ATP2C2: variants seen among roughly 807,000 people sequenced by gnomAD.
ATP2C2 encodes calcium-transporting ATPase type 2C member 2.
ATP2C2 carries 171 observed loss-of-function variants against 110.8 expected under a neutral mutation model. The observed-to-expected ratio is 1.54, with a 90% CI of 1.36 to 1.75. The LOEUF (loss-of-function observed/expected upper bound fraction) is 1.75. Ranked by LOEUF, ATP2C2 falls within the 40% of genes most tolerant of loss-of-function variation. The probability of loss-of-function intolerance (pLI) is 0.00; values close to 1 mark genes in which losing one functional copy is unlikely to be tolerated. For missense variants in ATP2C2, 1,963 were observed against 1,235.0 expected, an observed-to-expected ratio of 1.59 and a Z score of -8.84; for synonymous variants, 804 against 508.4, an observed-to-expected ratio of 1.58 and a Z score of -7.82.
intron 7 of ATP2C2, among the ~76,000 whole-genome samples, chr16:84,418,766 G>T (rs1000259386): frequency 1.5e-4 from 23 of 152,194 alleles, no homozygotes; most frequent in Non-Finnish European, 2.8e-4. Flanking sequence ...TCCTGGCACT[G>T]CCTCTCCCCC....
At chr16:84,393,793 GGA>G (rs780836771) in intron 1 of ATP2C2, among the ~76,000 whole-genome samples, 10 of 151,984 alleles carry the variant, frequency 6.6e-5, no homozygotes, top group Non-Finnish European at 1.3e-4. Flanking sequence ...GTGGGACCCA[GGA>G]GAGAGTCAGG....
intron 7 of ATP2C2, among the ~76,000 whole-genome samples, chr16:84,421,610 G>T (rs1281773292): frequency 6.6e-6 from 1 of 152,112 alleles, no homozygotes; most frequent in East Asian, 1.9e-4. Context: ...TCTGGCCCTG[G>T]GAGCCTCACC....
At chr16:84,434,276 TGTG>T (rs72393016) in intron 11 of ATP2C2, among the ~76,000 whole-genome samples, 32,483 of 150,150 alleles carry the variant, frequency 0.22, 3,998 homozygotes, top group East Asian at 0.49. Flanking sequence ...ATTAGCCAGG[TGTG>T]GTGGTGGGCG....
At chr16:84,428,390 A>G (rs529257756) in intron 11 of ATP2C2, among the ~76,000 whole-genome samples, 1 of 152,370 alleles carries the variant, frequency 6.6e-6, no homozygotes, top group African/African-American at 2.4e-5. Flanking sequence ...AGGTGGTAAA[A>G]TCAACATGTG....
intron 6 of ATP2C2, among the ~76,000 whole-genome samples, chr16:84,411,722 G>A (rs1485886279): frequency 6.6e-6 from 1 of 152,176 alleles, no homozygotes; most frequent in East Asian, 1.9e-4. Flanking sequence ...GATTACAGGT[G>A]TGAGCCACCG....
chr16:84,388,203 T>C (rs961895803), intron 1 of ATP2C2, among the ~76,000 whole-genome samples: 6 of 151,994 alleles, frequency 3.9e-5, no homozygotes, highest in East Asian at 1.9e-4. Context: ...CAGGTACCTG[T>C]AACTCTAGCT....
rs573275158 is a variant in ATP2C2 at position 84,459,057 on chromosome 16, G to A, written c.2148-63G>A. 4.8e-4 allele frequency: 754 copies of A among 1,571,220 alleles called. 1 individual carries two copies. The highest frequency in any genetic ancestry group is 5.9e-4 in the Non-Finnish European group (670 of 1,142,662). ...GTCACCACTGCCCCTTGCAGCAACC[G>A]ATGCACTGGTCCAGCCCTCACGCAG... On this transcript the variant is annotated intron_variant, in intron 21 of 26. Coordinates refer to ENST00000262429, the MANE Select transcript of ATP2C2 (RefSeq NM_014861.4).
intron 1 of ATP2C2, among the ~76,000 whole-genome samples, chr16:84,369,791 T>C (rs1909845941): frequency 1.3e-5 from 2 of 152,248 alleles, no homozygotes; most frequent in Non-Finnish European, 2.9e-5. Context: ...TTTTTAAAAA[T>C]AGTGTTTTAT....
chr16:84,440,379 G>C (rs4782626), intron 13 of ATP2C2, among the ~76,000 whole-genome samples: 2 of 152,086 alleles, frequency 1.3e-5, no homozygotes, highest in Admixed American at 6.5e-5. Flanking sequence ...GGGTGAACAG[G>C]TGATGGTCCA....
intron 13 of ATP2C2, among the ~76,000 whole-genome samples, chr16:84,440,332 A>G (rs1368187161): frequency 2.0e-5 from 3 of 152,174 alleles, no homozygotes; most frequent in Admixed American, 6.5e-5. Context: ...CAATTTTTTT[A>G]TCCTGATATT....
At chr16:84,413,945 C>A (rs1314282058) in intron 6 of ATP2C2, among the ~76,000 whole-genome samples, 1 of 152,096 alleles carries the variant, frequency 6.6e-6, no homozygotes, top group African/African-American at 2.4e-5. Flanking sequence ...CAAGGGAGTA[C>A]ATAATAAGCC....
intron 21 of ATP2C2, among the ~76,000 whole-genome samples, chr16:84,456,284 T>G (rs530281875): frequency 6.6e-6 from 1 of 151,116 alleles, no homozygotes; most frequent in South Asian, 2.1e-4. Context: ...GGTAAACTAT[T>G]GATTATTGTC....
At chr16:84,410,887 C>T (rs1296695948) in intron 6 of ATP2C2, 122 bp downstream of exon 6, 2 of 980,692 alleles carry the variant, frequency 2.0e-6, no homozygotes, top group Admixed American at 4.1e-5. Flanking sequence ...CCACATCTCA[C>T]TGGGAGTTCT....
At chr16:84,420,387 C>T (rs1374082733) in intron 7 of ATP2C2, among the ~76,000 whole-genome samples, 1 of 152,144 alleles carries the variant, frequency 6.6e-6, no homozygotes, top group Non-Finnish European at 1.5e-5. Context: ...TGCCTCCTCT[C>T]TTCCAAACGC....
intron 15 of ATP2C2, among the ~76,000 whole-genome samples, chr16:84,444,552 T>C (rs1450874521): frequency 1.3e-5 from 2 of 152,220 alleles, no homozygotes; most frequent in Non-Finnish European, 2.9e-5. Context: ...ATGTCTGTAA[T>C]AGTGAATGGA....
chr16:84,428,985 T>C (rs71386835), intron 11 of ATP2C2, among the ~76,000 whole-genome samples: 56,440 of 151,778 alleles, frequency 0.37, 10,603 homozygotes, highest in South Asian at 0.4. Flanking sequence ...ATGCCCAGGT[T>C]CTCGGTTTGT....
intron 1 of ATP2C2, among the ~76,000 whole-genome samples, chr16:84,390,474 G>C (rs1904586352): frequency 6.6e-6 from 1 of 152,226 alleles, no homozygotes; most frequent in African/African-American, 2.4e-5. Flanking sequence ...GGGAGGCTGC[G>C]CTCACCGTCG....
chr16:84,452,115 G>A (rs769839738), intron 18 of ATP2C2, 24 bp downstream of exon 18: 4 of 1,612,982 alleles, frequency 2.5e-6, no homozygotes, highest in Non-Finnish European at 2.5e-6. Flanking sequence ...GGTCGGGGGT[G>A]AGGACGAAAG....
At position 84,452,049 on chromosome 16, in the gene ATP2C2, A is replaced by G. The variant is rs1910327902; in HGVS notation, c.1789A>G (p.Lys597Glu). ...QVLSESGVSVKMITGDALETA... is the reference protein window; with the variant it reads ...QVLSESGVSVEMITGDALETA... ...TCTCTCCGAGTCTGGTGTGTCTGTGAAGATGATAACGGGGGATGCCCTGGA... is the reference window on the plus strand; with the variant it reads ...TCTCTCCGAGTCTGGTGTGTCTGTGGAGATGATAACGGGGGATGCCCTGGA... Residue 597 changes from lysine (K) to glutamate (E), a missense_variant, in exon 18 of 27, where the codon AAG becomes GAG. By Grantham distance (56) the Lys-to-Glu change is moderately conservative. Transcript: ENST00000262429. 2 of 1,613,336 alleles carry G rather than the reference A, an allele frequency of 1.2e-6. No individual in the cohort carries two copies. The highest frequency in any genetic ancestry group is 1.7e-6 in the Non-Finnish European group (2 of 1,179,956).
Sources: gnomAD v4.1 joint callset for allele counts (sites outside exome capture counted in the v4.1 genomes callset) on GRCh38, gnomAD v4.1.1 for gene constraint, MANE v1.5 for transcripts, NCBI Gene and HGNC (gene_info 2026-07-23, HGNC 2026-07-21) for gene names.